SLC12A5: variants seen among roughly 807,000 people sequenced by gnomAD.
SLC12A5 encodes K-Cl cotransporter 2.
In SLC12A5, 18 loss-of-function variants were observed where a neutral mutation model predicts 124.0. That is an observed-to-expected ratio of 0.15 (90% CI 0.10 to 0.22). The LOEUF (loss-of-function observed/expected upper bound fraction) is 0.22. Ranked by LOEUF, SLC12A5 falls within the 10% of genes least tolerant of loss-of-function variation. The probability of loss-of-function intolerance (pLI) is 1.00; values close to 1 mark genes in which losing one functional copy is unlikely to be tolerated. For synonymous variants in SLC12A5, 589 were observed against 568.0 expected (o/e 1.04, Z -0.53); for missense variants, 867 against 1,478.7 (o/e 0.59, Z 6.78).
At chr20:46,048,334 T>C (rs896945684) in intron 16 of SLC12A5, among the ~76,000 whole-genome samples, 6 of 152,198 alleles carry the variant, frequency 3.9e-5, no homozygotes, top group African/African-American at 9.7e-5. Flanking sequence ...CAGTCATCCA[T>C]TCATTCATTT....
At position 46,053,812 on chromosome 20, in the gene SLC12A5, G is replaced by T. The variant is rs2084666540; in HGVS notation, c.2679+103G>T. On this transcript the variant is annotated intron_variant, in intron 20 of 25. Coordinates refer to ENST00000243964, the MANE Select transcript of SLC12A5 (RefSeq NM_020708.5). This position sits in a 1 kb window ranked among gnomAD's most constrained non-coding sequence, Gnocchi z 4.7. ...TAACACCCATCAGCTTATGATGCTG[G>T]ATCCTTTCCCCCTCATCCATCTCTT... The T allele has an allele frequency of 7.7e-7, 1 of 1,296,104 alleles. No homozygotes were observed. The highest frequency in any genetic ancestry group is 1.0e-6 in the Non-Finnish European group (1 of 963,460). The allele number at this position is 1,296,104 out of a possible 1,614,324, so 80.3% of individuals were successfully genotyped here. A position where few individuals can be genotyped will look rare whatever the true frequency, so the allele number is the denominator to read the frequency against.
chr20:46,057,279 C>T lies in SLC12A5; in HGVS notation c.3235C>T (p.Arg1079Cys), dbSNP rs757147565. 10 of 1,614,192 alleles carry T rather than the reference C, an allele frequency of 6.2e-6. No individual in the cohort carries two copies. Among genetic ancestry groups the T allele is most frequent in the South Asian group, 1.1e-5 (1 of 91,084 alleles). Residue 1079 changes from arginine to cysteine, a missense_variant, in exon 25 of 26, where the codon CGC (arginine) becomes TGC (cysteine). Physicochemically the swap from Arg to Cys is radical, Grantham distance 180. Transcript: ENST00000243964. The surrounding 1 kb of genome is among the most constrained non-coding windows in gnomAD (Gnocchi z 7.1). ...LVLLNMPGPP[R>C]NRNGDENYME... ...TTTGCTCAACATGCCTGGGCCTCCCCGCAACCGCAATGGTGATGAAAACTG... is the reference window on the plus strand; with the variant it reads ...TTTGCTCAACATGCCTGGGCCTCCCTGCAACCGCAATGGTGATGAAAACTG...
chr20:46,040,532 G>A lies in SLC12A5; in HGVS notation c.772G>A (p.Val258Ile), dbSNP rs915523015. 3.1e-6 allele frequency: 5 copies of A among 1,614,120 alleles called. No homozygotes were observed. The African/African-American group carries it at 6.7e-5, about 22-fold the overall frequency. The change falls in exon 7 of 26, where the codon GTC (valine) becomes ATC (isoleucine). Residue 258 changes from valine (V) to isoleucine (I), a missense_variant. This residue lies in a region of SLC12A5 where 126 missense variants were observed against 291.6 expected (regional missense o/e 0.43). Coordinates refer to ENST00000243964, the MANE Select transcript of SLC12A5 (RefSeq NM_020708.5). ...GVKYVNKFAL[V>I]FLGCVILSIL... The stretch of plus-strand genomic sequence containing the variant: ...CAAGTATGTCAACAAGTTTGCCCTT[G>A]TCTTCCTGGGTTGTGTCATCCTCTC...
At position 46,045,224 on chromosome 20, in the gene SLC12A5, A is replaced by G; in HGVS notation, c.1569+84A>G. On this transcript the variant is annotated intron_variant, in intron 12 of 25. Coordinates refer to ENST00000243964, the MANE Select transcript of SLC12A5 (RefSeq NM_020708.5). This position sits in a 1 kb window ranked among gnomAD's most constrained non-coding sequence, Gnocchi z 4.9. ...AGACCACACAGTGACCCAGGGCCAT[A>G]ACCAGCCTTAGACTACCTCCTGGGC... is the stretch of plus-strand genomic sequence containing the variant. 1 of 1,457,488 alleles carries G rather than the reference A, an allele frequency of 6.9e-7. No homozygotes were observed. 90.3% of individuals were successfully genotyped at this position (1,457,488 alleles called of 1,614,324 possible).
chr20:46,059,365 G>A lies in SLC12A5; in HGVS notation c.*1760G>A. 2.6e-6 allele frequency: 1 copy of A among 389,206 alleles called. No homozygotes were observed. The highest frequency in any genetic ancestry group is 4.5e-6 in the Non-Finnish European group (1 of 220,764). 24.1% of individuals were successfully genotyped at this position (389,206 alleles called of 1,614,324 possible). A position where few individuals can be genotyped will look rare whatever the true frequency, so the allele number is the denominator to read the frequency against. On this transcript the variant is annotated 3_prime_UTR_variant, in exon 26 of 26. Coordinates refer to ENST00000243964, the MANE Select transcript of SLC12A5 (RefSeq NM_020708.5). The stretch of plus-strand genomic sequence containing the variant: ...TTTGGAGGTCTGCCAGTTACACCAA[G>A]TCCCCTCTGAGATTCGATCAGGGGA...
Position 46,059,050 on chromosome 20 carries a change from T to C in SLC12A5, c.*1445T>C. 1 of 280,514 alleles carries C rather than the reference T, an allele frequency of 3.6e-6. No homozygotes were observed. 17.4% of individuals were successfully genotyped at this position (280,514 alleles called of 1,614,324 possible). ...CCTTGGCCCTTCCGCTCCACCAGCC[T>C]GGTCTGAGGCGTGCTCTGTCCTTAG... On this transcript the variant is annotated 3_prime_UTR_variant, in exon 26 of 26. Coordinates refer to ENST00000243964, the MANE Select transcript of SLC12A5 (RefSeq NM_020708.5).
At chr20:46,054,066 ATGTGT>A (rs1296585251) in intron 20 of SLC12A5, among the ~76,000 whole-genome samples, 1 of 152,224 alleles carries the variant, frequency 6.6e-6, no homozygotes, top group Non-Finnish European at 1.5e-5. Flanking sequence ...GTTCTGAGAA[ATGTGT>A]TGTGAGGTGA....
intron 4 of SLC12A5, 52 bp downstream of exon 4, chr20:46,035,975 G>A: frequency 6.4e-7 from 1 of 1,560,936 alleles, no homozygotes; most frequent in Non-Finnish European, 8.7e-7. Context: ...GCTTGGCAGA[G>A]GCCTGGGGGT....
chr20:46,021,851 C>T, exon 1 of SLC12A5: 1 of 1,532,276 alleles, frequency 6.5e-7, no homozygotes, highest in Non-Finnish European at 8.7e-7. Context: ...CATTCGGTCG[C>T]AGACCCCCGC....
intron 5 of SLC12A5, 76 bp downstream of exon 5, chr20:46,036,871 A>G: frequency 1.3e-6 from 2 of 1,540,762 alleles, no homozygotes; most frequent in South Asian, 2.2e-5. Context: ...TTTGGGGGAC[A>G]TCAAGGCCCA....
chr20:46,042,328 G>A (rs1441384678), intron 8 of SLC12A5, among the ~76,000 whole-genome samples: 1 of 152,168 alleles, frequency 6.6e-6, no homozygotes, highest in African/African-American at 2.4e-5. Context: ...CTGCTAATGT[G>A]GATGGGTTAA....
At position 46,059,590 on chromosome 20, in the gene SLC12A5, T is replaced by C. The variant is rs551683521; in HGVS notation, c.*1985T>C. 2.3e-5 allele frequency: 9 copies of C among 399,096 alleles called. No individual in the cohort carries two copies. The Admixed American group carries it at 4.0e-4, about 18-fold the overall frequency. 24.7% of individuals were successfully genotyped at this position (399,096 alleles called of 1,614,324 possible). A position where few individuals can be genotyped will look rare whatever the true frequency, so the allele number is the denominator to read the frequency against. ...ATTAGGGAACCAAAGTTGCACTATCTGGGCCCAGATTGTCTGGTTGGCAAG... is the reference window on the plus strand; with the variant it reads ...ATTAGGGAACCAAAGTTGCACTATCCGGGCCCAGATTGTCTGGTTGGCAAG... On this transcript the variant is annotated 3_prime_UTR_variant, in exon 26 of 26. Coordinates refer to ENST00000243964, the MANE Select transcript of SLC12A5 (RefSeq NM_020708.5).
upstream of SLC12A5, among the ~76,000 whole-genome samples, chr20:46,028,262 C>T (rs750464607): frequency 2.5e-4 from 38 of 152,178 alleles, no homozygotes; most frequent in Non-Finnish European, 3.5e-4. Context: ...AACCGACAGG[C>T]GGCCTCATTC....
At chr20:46,035,275 T>G in intron 2 of SLC12A5, 129 bp from the exon 3 acceptor site, 1 of 1,250,924 alleles carries the variant, frequency 8.0e-7, no homozygotes, top group Non-Finnish European at 1.1e-6. Context: ...CTGTTCCTCC[T>G]CCTTTCCCAT....
Position 46,045,157 on chromosome 20 carries a change from A to G in SLC12A5, c.1569+17A>G. ...TTCCTGCAGGTCAGTGTGGGAGAAG[A>G]ACAGCCCACCCTCAGTAGACCAGCC... On this transcript the variant is annotated intron_variant, in intron 12 of 25. Coordinates refer to ENST00000243964, the MANE Select transcript of SLC12A5 (RefSeq NM_020708.5). The surrounding 1 kb of genome is among the most constrained non-coding windows in gnomAD (Gnocchi z 4.9). 1.3e-6 allele frequency: 2 copies of G among 1,551,572 alleles called. No homozygotes were observed. The highest frequency in any genetic ancestry group is 1.7e-6 in the Non-Finnish European group (2 of 1,151,374).
In SLC12A5 at chr20:46,058,976, T is replaced by G. The variant is rs1278713846; in HGVS notation, c.*1371T>G. 7.3e-5 allele frequency: 27 copies of G among 370,284 alleles called. No homozygotes were observed. The highest frequency in any genetic ancestry group is 1.1e-4 in the Non-Finnish European group (23 of 208,886). The allele number at this position is 370,284 out of a possible 1,614,324, so 22.9% of individuals were successfully genotyped here. A position where few individuals can be genotyped will look rare whatever the true frequency, so the allele number is the denominator to read the frequency against. On this transcript the variant is annotated 3_prime_UTR_variant, in exon 26 of 26. Transcript: ENST00000243964. The surrounding 1 kb of genome is among the most constrained non-coding windows in gnomAD (Gnocchi z 5.8). ...GCACGCGCTTTGTCCTTAGCGCCTG[T>G]CTGCTCTCCTCTAACTAGGACCCAG...
chr20:46,033,421 CTT>C (rs780418789), intron 1 of SLC12A5, among the ~76,000 whole-genome samples: 76 of 152,158 alleles, frequency 5.0e-4, no homozygotes, highest in African/African-American at 1.7e-3. Flanking sequence ...TATGGGGCCT[CTT>C]ATATCTTTCT....
At chr20:46,028,323 C>G (rs1003722403), upstream of SLC12A5, among the ~76,000 whole-genome samples, 1 of 152,160 alleles carries the variant, frequency 6.6e-6, no homozygotes, top group African/African-American at 2.4e-5. Context: ...CCTGTCCTCC[C>G]TAGAGGCTGC....
rs1600599685 is a variant in SLC12A5, at chr20:46,046,251, CT to C, written c.1689-84del. The C allele has an allele frequency of 1.2e-5, 15 of 1,263,850 alleles. 1 individual carries two copies. The East Asian group carries it at 3.5e-4, about 30-fold the overall frequency. 78.3% of individuals were successfully genotyped at this position (1,263,850 alleles called of 1,614,324 possible). ...TGGCCACCTCCTGACTTCCTGTCCC[CT>C]TTCCCCCTTTCTCTGCCCATGCTGT... On this transcript the variant is annotated intron_variant, in intron 13 of 25. Transcript: ENST00000243964.
Sources: allele counts gnomAD v4.1 joint callset (sites outside exome capture counted in the v4.1 genomes callset), GRCh38; gene constraint gnomAD v4.1.1; regional missense constraint gnomAD v4.1.1; non-coding constraint Gnocchi (gnomAD v3.1); transcripts MANE v1.5; gene names NCBI Gene and HGNC (gene_info 2026-07-23, HGNC 2026-07-21).